Variants in GTF2I observed in about 807,000 individuals in gnomAD.
GTF2I encodes general transcription factor IIi.
In GTF2I, 12 loss-of-function variants were observed where a neutral mutation model predicts 67.6. The ratio of observed to expected loss-of-function variants is 0.18; its 90% confidence interval spans 0.11 to 0.29. The LOEUF (loss-of-function observed/expected upper bound fraction) is 0.29. Among genes scored for constraint, GTF2I ranks in the 10% least tolerant of loss-of-function variants. The pLI is 1.00. For missense variants in GTF2I, 271 were observed against 580.1 expected, an observed-to-expected ratio of 0.47 and a Z score of 5.47; for synonymous variants, 149 against 197.0, an observed-to-expected ratio of 0.76 and a Z score of 2.04.
At position 74,694,081 on chromosome 7, in the gene GTF2I, C is replaced by T. The variant is rs118103261; in HGVS notation, c.238+2970C>T. On this transcript the variant is annotated intron_variant, in intron 3 of 34. Coordinates refer to ENST00000573035, the MANE Select transcript of GTF2I (RefSeq NM_032999.4). ...ATGAAAACTGCTGCTCCAGTGAACA[C>T]GCAAATGATAAAGCAAAACAGCTTA... 4.4e-3 allele frequency among the ~76,000 whole-genome samples: 673 copies of T among 152,258 alleles called. 2 individuals are homozygous for T. Among genetic ancestry groups the T allele is most frequent in the Non-Finnish European group, 7.3e-3 (499 of 68,018 alleles).
At chr7:74,667,789 A>AT (rs1457876215) in intron 1 of GTF2I, among the ~76,000 whole-genome samples, 1 of 151,562 alleles carries the variant, frequency 6.6e-6, no homozygotes, top group Non-Finnish European at 1.5e-5. Flanking sequence ...AAGTGCTGGG[A>AT]TTAGAGACAT....
At chr7:74,682,990 G>C (rs1047021637) in intron 1 of GTF2I, among the ~76,000 whole-genome samples, 2 of 147,906 alleles carry the variant, frequency 1.4e-5, no homozygotes, top group Non-Finnish European at 3.0e-5. Context: ...GTTTAGTATG[G>C]AGAAGAAAAC....
At chr7:74,713,452 TAC>T (rs1278371309) in intron 9 of GTF2I, among the ~76,000 whole-genome samples, 8 of 152,214 alleles carry the variant, frequency 5.3e-5, no homozygotes, top group Non-Finnish European at 1.2e-4. Context: ...ATATTTTCAC[TAC>T]AGTTAATATA....
chr7:74,700,609 T>C lies in GTF2I; in HGVS notation c.561T>C (p.Pro187=). ...GTTTTGTTTTGTTTTAATGCAGACCTTTTTTAGAGCCAAAGAAGCATGTAG... is the reference window on the plus strand; with the variant it reads ...GTTTTGTTTTGTTTTAATGCAGACCCTTTTTAGAGCCAAAGAAGCATGTAG... ...KAGISFIIKR[P]FLEPKKHVGG... is the part of the protein sequence containing the mutation. Residue 187 remains proline (P), a synonymous_variant, in exon 6 of 35, where the codon CCT becomes CCC. Coordinates refer to ENST00000573035, the MANE Select transcript of GTF2I (RefSeq NM_032999.4). 6.2e-7 allele frequency: 1 copy of C among 1,613,418 alleles called. No individual in the cohort carries two copies. The highest frequency in any genetic ancestry group is 8.5e-7 in the Non-Finnish European group (1 of 1,179,322).
intron 11 of GTF2I, among the ~76,000 whole-genome samples, chr7:74,717,807 T>C (rs1372093229): frequency 1.3e-5 from 2 of 152,222 alleles, no homozygotes; most frequent in Non-Finnish European, 2.9e-5. Flanking sequence ...TTCCCCAGTA[T>C]AGGCTGGTTT....
intron 7 of GTF2I, 111 bp from the exon 8 acceptor site, chr7:74,706,279 C>G (rs1584219978): frequency 2.5e-6 from 2 of 804,584 alleles, no homozygotes; most frequent in East Asian, 4.9e-5. Context: ...AGGTTTGCAC[C>G]CACCTTGGTC....
At chr7:74,731,921 A>G (rs1218382534) in intron 14 of GTF2I, among the ~76,000 whole-genome samples, 1 of 151,806 alleles carries the variant, frequency 6.6e-6, no homozygotes, top group South Asian at 2.1e-4. Flanking sequence ...ACCTAGTGGT[A>G]AGATCATAGG....
At chr7:74,681,375 C>T (rs1787253087) in intron 1 of GTF2I, among the ~76,000 whole-genome samples, 2 of 151,502 alleles carry the variant, frequency 1.3e-5, no homozygotes, top group African/African-American at 2.4e-5. Context: ...GCAGAGGTTG[C>T]AGTGAGCCGA....
intron 1 of GTF2I, among the ~76,000 whole-genome samples, chr7:74,662,787 G>A (rs918411533): frequency 6.6e-6 from 1 of 152,064 alleles, no homozygotes; most frequent in Admixed American, 6.6e-5. Flanking sequence ...CTCCCAAAGT[G>A]TTGGGCTTAC....
At chr7:74,714,375 G>A (rs188082104) in intron 9 of GTF2I, among the ~76,000 whole-genome samples, 3 of 152,056 alleles carry the variant, frequency 2.0e-5, no homozygotes, top group Non-Finnish European at 2.9e-5. Flanking sequence ...TCAAGGAGAT[G>A]GTTTACGTTA....
At chr7:74,689,348 C>CTTTTTTTTT (rs1162860651) in intron 2 of GTF2I, 121 bp downstream of exon 2, 6 of 145,270 alleles carry the variant, frequency 4.1e-5, no homozygotes, top group South Asian at 1.4e-4. Context: ...TTTTTCTTTA[C>CTTTTTTTTT]TTTTTTTTTT....
At chr7:74,704,057 C>T (rs948111650) in intron 6 of GTF2I, among the ~76,000 whole-genome samples, 1 of 152,080 alleles carries the variant, frequency 6.6e-6, no homozygotes, top group East Asian at 1.9e-4. Context: ...ATTTCTTCTT[C>T]TTGTTGCTCT....
chr7:74,699,507 G>C (rs182369410), intron 4 of GTF2I: 1 of 152,854 alleles, frequency 6.5e-6, no homozygotes, highest in African/African-American at 2.4e-5. Flanking sequence ...ACATTCGCCA[G>C]GCTGGTCTCG....
intron 3 of GTF2I, among the ~76,000 whole-genome samples, chr7:74,697,526 A>G (rs1232701450): frequency 2.0e-5 from 3 of 152,132 alleles, no homozygotes; most frequent in African/African-American, 4.8e-5. Context: ...ACATGTATCT[A>G]TTTGTTATCG....
At chr7:74,710,480 C>T (rs377463739) in intron 8 of GTF2I, among the ~76,000 whole-genome samples, 1 of 152,132 alleles carries the variant, frequency 6.6e-6, no homozygotes. Flanking sequence ...ACAACATGTA[C>T]TCTTTTGTAT....
At chr7:74,753,353 G>A (rs1440130054) in intron 29 of GTF2I, among the ~76,000 whole-genome samples, 176 bp downstream of exon 29, 5 of 152,164 alleles carry the variant, frequency 3.3e-5, no homozygotes, top group Non-Finnish European at 5.9e-5. Context: ...TTACACTATT[G>A]ATTGTCAGTA....
chr7:74,681,009 C>T (rs1212029363), intron 1 of GTF2I, among the ~76,000 whole-genome samples: 2 of 152,052 alleles, frequency 1.3e-5, no homozygotes, highest in Non-Finnish European at 2.9e-5. Context: ...CAACCAGAAT[C>T]GGAGATAAAC....
At position 74,714,840 on chromosome 7, in the gene GTF2I, A is replaced by G; in HGVS notation, c.764-17A>G. The G allele has an allele frequency of 6.3e-7, 1 of 1,578,502 alleles. No individual in the cohort carries two copies. Among genetic ancestry groups the G allele is most frequent in the African/African-American group, 1.4e-5 (1 of 73,460 alleles). On this transcript the variant is annotated splice_polypyrimidine_tract_variant and intron_variant, in intron 9 of 34. Transcript: ENST00000573035. Reference sequence around the variant, plus strand: ...TGGGGGGGATTACTTTTGAAGTATTATCTTTGTATCCCAAAGCAGGCCCTT... The same window carrying G: ...TGGGGGGGATTACTTTTGAAGTATTGTCTTTGTATCCCAAAGCAGGCCCTT...
chr7:74,689,040 C>G, intron 1 of GTF2I, 84 bp from the exon 2 acceptor site: 1 of 751,806 alleles, frequency 1.3e-6, no homozygotes, highest in Non-Finnish European at 2.4e-6. Context: ...ATTAGGCAGC[C>G]GGTGAGGGGC....
Sources: allele counts gnomAD v4.1 joint callset (sites outside exome capture counted in the v4.1 genomes callset), GRCh38; gene constraint gnomAD v4.1.1; transcripts MANE v1.5; gene names NCBI Gene and HGNC (gene_info 2026-07-23, HGNC 2026-07-21).